The following MAGI3 variants were observed in gnomAD, a reference collection of about 807,000 sequenced individuals.
MAGI3 encodes the protein membrane associated guanylate kinase, WW and PDZ domain containing 3.
In MAGI3, 43 loss-of-function variants were observed where a neutral mutation model predicts 121.8. That is an observed-to-expected ratio of 0.35 (90% confidence interval 0.28 to 0.46). MAGI3 has a LOEUF of 0.46. Ranked by LOEUF, MAGI3 falls within the 20% of genes least tolerant of loss-of-function variation. The probability of loss-of-function intolerance (pLI) is 1.00; values close to 1 mark genes in which losing one functional copy is unlikely to be tolerated. For missense variants in MAGI3, 1,547 were observed against 1,797.3 expected (o/e 0.86, Z 2.52); for synonymous variants, 553 against 639.3 (o/e 0.86, Z 2.04).
chr1:113,546,693 G>A lies in MAGI3; in HGVS notation c.317-2822G>A, dbSNP rs573673668. Among the ~76,000 whole-genome samples, 89 of 151,842 alleles carry A rather than the reference G, an allele frequency of 5.9e-4. 1 individual carries two copies. The highest frequency in any genetic ancestry group is 1.8e-3 in the African/African-American group (76 of 41,394). Reference sequence around the variant, plus strand: ...ACTTTTCTTTACAACTGTTCGTCTCGGTGTTACATCCAGAATCCCAGTAGA... The same window carrying A: ...ACTTTTCTTTACAACTGTTCGTCTCAGTGTTACATCCAGAATCCCAGTAGA... On this transcript the variant is annotated intron_variant, in intron 1 of 20. Coordinates refer to ENST00000307546, the MANE Select transcript of MAGI3 (RefSeq NM_001142782.2).
chr1:113,484,226 C>A (rs1392730947), intron 1 of MAGI3, among the ~76,000 whole-genome samples: 1 of 152,076 alleles, frequency 6.6e-6, no homozygotes, highest in Admixed American at 6.5e-5. Flanking sequence ...TGAATTCAAG[C>A]TGTGAATTTT....
chr1:113,568,442 A>G (rs1231738704), intron 2 of MAGI3, among the ~76,000 whole-genome samples: 1 of 152,098 alleles, frequency 6.6e-6, no homozygotes, highest in Non-Finnish European at 1.5e-5. Flanking sequence ...TTGTAGATTC[A>G]ATGTAATTCC....
At chr1:113,582,998 A>G (rs2101723083) in intron 3 of MAGI3, among the ~76,000 whole-genome samples, 1 of 151,904 alleles carries the variant, frequency 6.6e-6, no homozygotes, top group African/African-American at 2.4e-5. Flanking sequence ...AATAAAAAAA[A>G]CTTCAAAACA....
At chr1:113,655,065 A>G (rs1195002193) in intron 15 of MAGI3, among the ~76,000 whole-genome samples, 1 of 152,130 alleles carries the variant, frequency 6.6e-6, no homozygotes, top group Non-Finnish European at 1.5e-5. Flanking sequence ...GCTAGTTTCC[A>G]TTTTCCCAAA....
intron 1 of MAGI3, among the ~76,000 whole-genome samples, chr1:113,506,058 A>G (rs1000617123): frequency 1.3e-5 from 2 of 152,178 alleles, no homozygotes; most frequent in Admixed American, 6.5e-5. Flanking sequence ...ATTATAGGGT[A>G]TAAGAGGAGA....
intron 1 of MAGI3, among the ~76,000 whole-genome samples, chr1:113,459,884 A>C (rs1654945673): frequency 6.6e-6 from 1 of 152,192 alleles, no homozygotes; most frequent in Non-Finnish European, 1.5e-5. Flanking sequence ...TATTCCAAAA[A>C]ACTGAAGAGA....
At chr1:113,579,489 A>G (rs1197246736) in intron 2 of MAGI3, among the ~76,000 whole-genome samples, 2 of 152,170 alleles carry the variant, frequency 1.3e-5, no homozygotes, top group African/African-American at 2.4e-5. Flanking sequence ...GCTTTGTAAA[A>G]TGTGTTGTTA....
intron 1 of MAGI3, among the ~76,000 whole-genome samples, chr1:113,460,680 G>A (rs998501349): frequency 6.6e-6 from 1 of 152,046 alleles, no homozygotes; most frequent in Non-Finnish European, 1.5e-5. Flanking sequence ...GTGGTGGTGG[G>A]TGCCTATAGT....
chr1:113,490,135 C>G (rs909950921), intron 1 of MAGI3, among the ~76,000 whole-genome samples: 3 of 152,064 alleles, frequency 2.0e-5, no homozygotes, highest in African/African-American at 7.2e-5. Context: ...TTAAAAGAAG[C>G]TAGAGAGAAA....
At position 113,546,952 on chromosome 1, in the gene MAGI3, G is replaced by A. The variant is rs1040622669; in HGVS notation, c.317-2563G>A. ...CAAAAAATTAGCCAGGCATGGTGGC[G>A]GGCGCCTGTAGTCCCAACTACTCGG... On this transcript the variant is annotated intron_variant, in intron 1 of 20. Coordinates refer to ENST00000307546, the MANE Select transcript of MAGI3 (RefSeq NM_001142782.2). 1.4e-4 allele frequency among the ~76,000 whole-genome samples: 21 copies of A among 151,796 alleles called. No homozygotes were observed. The East Asian group carries it at 3.3e-3, about 24-fold the overall frequency.
intron 1 of MAGI3, among the ~76,000 whole-genome samples, chr1:113,516,622 AC>A (rs1387062142): frequency 6.6e-6 from 1 of 152,010 alleles, no homozygotes; most frequent in Non-Finnish European, 1.5e-5. Flanking sequence ...AGTGAAGTAG[AC>A]AAATCTCCTG....
At position 113,651,225 on chromosome 1, in the gene MAGI3, G is replaced by C; in HGVS notation, c.2440+19G>C. The C allele has an allele frequency of 3.8e-6, 6 of 1,576,256 alleles. No homozygotes were observed. Among genetic ancestry groups the C allele is most frequent in the Non-Finnish European group, 4.3e-6 (5 of 1,166,312 alleles). Reference sequence around the variant, plus strand: ...TATGGAGGTGTGTGAACTTGTTCCTGCTCTGAAAAGTTAAAAAAGAAACAA... The same window carrying C: ...TATGGAGGTGTGTGAACTTGTTCCTCCTCTGAAAAGTTAAAAAAGAAACAA... On this transcript the variant is annotated intron_variant, in intron 14 of 20. Coordinates refer to ENST00000307546, the MANE Select transcript of MAGI3 (RefSeq NM_001142782.2).
intron 1 of MAGI3, among the ~76,000 whole-genome samples, chr1:113,429,126 C>T (rs767081059): frequency 2.0e-4 from 30 of 152,174 alleles, no homozygotes; most frequent in Non-Finnish European, 3.1e-4. Flanking sequence ...TTGTTTTTGG[C>T]TATTGCCTCA....
intron 2 of MAGI3, among the ~76,000 whole-genome samples, chr1:113,551,883 C>T (rs528070948): frequency 6.6e-6 from 1 of 151,636 alleles, no homozygotes; most frequent in Admixed American, 6.6e-5. Flanking sequence ...TTGTTCCTCC[C>T]TCCCTATTTT....
rs72988578 is a variant in MAGI3 at position 113,651,288 on chromosome 1, T to A, written c.2440+82T>A. 3.8e-4 allele frequency: 490 copies of A among 1,305,434 alleles called. 2 individuals are homozygous for A. The African/African-American group carries it at 6.5e-3, about 17-fold the overall frequency. 80.9% of individuals were successfully genotyped at this position (1,305,434 alleles called of 1,614,324 possible). The stretch of plus-strand genomic sequence containing the variant: ...ACTTCCTGTGTAGTTTTGCAGGTTA[T>A]TTTATTACATTCAGTAGTATCTAAG... On this transcript the variant is annotated intron_variant, in intron 14 of 20. Transcript: ENST00000307546.
intron 1 of MAGI3, among the ~76,000 whole-genome samples, chr1:113,527,814 C>A (rs948572332): frequency 1.8e-4 from 28 of 152,156 alleles, no homozygotes; most frequent in Non-Finnish European, 3.4e-4. Flanking sequence ...GTCTTAAGTA[C>A]CTATTGCTAG....
At chr1:113,546,284 AGT>A (rs953935549) in intron 1 of MAGI3, among the ~76,000 whole-genome samples, 2 of 152,214 alleles carry the variant, frequency 1.3e-5, no homozygotes, top group African/African-American at 4.8e-5. Flanking sequence ...GCCTCAAAAA[AGT>A]GTGATAACTT....
intron 1 of MAGI3, among the ~76,000 whole-genome samples, chr1:113,411,046 G>T (rs1267977579): frequency 3.9e-5 from 6 of 152,104 alleles, no homozygotes; most frequent in Non-Finnish European, 7.4e-5. Context: ...TATAGAACAA[G>T]AACTGTTGAT....
chr1:113,604,012 G>T lies in MAGI3; in HGVS notation c.1018+9452G>T, dbSNP rs532746365. Among the ~76,000 whole-genome samples the T allele has an allele frequency of 2.0e-5, 3 of 152,260 alleles. No individual in the cohort carries two copies. The South Asian group carries it at 6.2e-4, about 32-fold the overall frequency. ...TGTTGGCATGGGTGCAGTGAAAAGA[G>T]AACACTTATACACTGCTGGTTGGAA... On this transcript the variant is annotated intron_variant, in intron 6 of 20. Transcript: ENST00000307546.
Sources: allele counts gnomAD v4.1 joint callset (sites outside exome capture counted in the v4.1 genomes callset), GRCh38; gene constraint gnomAD v4.1.1; transcripts MANE v1.5; gene names NCBI Gene and HGNC (gene_info 2026-07-23, HGNC 2026-07-21).